PPP2R3A: variants seen among roughly 807,000 people sequenced by gnomAD.
PPP2R3A encodes the protein serine/threonine-protein phosphatase 2A regulatory subunit B'' subunit alpha.
PPP2R3A carries 80 observed loss-of-function variants against 106.9 expected under a neutral mutation model. That is an observed-to-expected ratio of 0.75 (90% CI 0.62 to 0.90). PPP2R3A has a LOEUF of 0.90. Ranked by LOEUF, PPP2R3A falls within the 40% of genes least tolerant of loss-of-function variation. The pLI, the probability that PPP2R3A is intolerant of heterozygous loss-of-function variation, is 0.00. For synonymous variants in PPP2R3A, 483 were observed against 468.3 expected, an observed-to-expected ratio of 1.03 and a Z score of -0.41; for missense variants, 1,386 against 1,350.4, an observed-to-expected ratio of 1.03 and a Z score of -0.41.
intron 10 of PPP2R3A, among the ~76,000 whole-genome samples, chr3:136,101,270 G>A (rs975545903): frequency 6.6e-6 from 1 of 152,144 alleles, no homozygotes; most frequent in Non-Finnish European, 1.5e-5. Flanking sequence ...ATAGATAAAA[G>A]AAAAATATAA....
rs148696646 is a variant in PPP2R3A, at chr3:136,025,070, A to G, written c.1996-1762A>G. On this transcript the variant is annotated intron_variant, in intron 2 of 13. Transcript: ENST00000264977. ...GAAAGATTATGCCAAATTATGCTTC[A>G]TCTAATTTTTTGAGAATCTCATCCT... Among the ~76,000 whole-genome samples, 20 of 152,266 alleles carry G rather than the reference A, an allele frequency of 1.3e-4. No individual in the cohort carries two copies. In the East Asian group the frequency reaches 2.5e-3, roughly 19 times the overall value.
intron 13 of PPP2R3A, among the ~76,000 whole-genome samples, chr3:136,134,686 T>C (rs79609789): frequency 0.016 from 2,462 of 152,294 alleles, 65 homozygotes; most frequent in African/African-American, 0.054. Flanking sequence ...TTTTATACTG[T>C]TCTATAATTT....
chr3:135,989,439 A>G (rs1353693080), intron 1 of PPP2R3A, among the ~76,000 whole-genome samples: 2 of 152,122 alleles, frequency 1.3e-5, no homozygotes, highest in East Asian at 1.9e-4. Flanking sequence ...TTGACATTCT[A>G]TCTATCTGTT....
chr3:136,085,776 T>C (rs1936911303), intron 8 of PPP2R3A, among the ~76,000 whole-genome samples: 1 of 151,998 alleles, frequency 6.6e-6, no homozygotes, highest in Non-Finnish European at 1.5e-5. Context: ...CTGTTACTAA[T>C]GGTATGCATC....
At chr3:136,128,451 T>G (rs906622945) in intron 13 of PPP2R3A, among the ~76,000 whole-genome samples, 9 of 152,000 alleles carry the variant, frequency 5.9e-5, no homozygotes, top group African/African-American at 2.4e-5. Flanking sequence ...AAGGGATCAA[T>G]TCAACAAGAA....
In PPP2R3A at chr3:136,003,367, A is replaced by G. The variant is rs200793795; in HGVS notation, c.1869A>G (p.Gln623=). The part of the protein sequence containing the change: ...GSLSQEKEMM[Q]ILQETLTTSS... ...TATCACAAGAAAAGGAAATGATGCAAATTCTACAGGAAACCTTGACAACTT... is the reference window on the plus strand; with the variant it reads ...TATCACAAGAAAAGGAAATGATGCAGATTCTACAGGAAACCTTGACAACTT... The change falls in exon 2 of 14, where the codon CAA becomes CAG. Residue 623 remains glutamine, a synonymous_variant. Transcript: ENST00000264977. The G allele has an allele frequency of 1.1e-4, 173 of 1,613,998 alleles. No homozygotes were observed. The East Asian group carries it at 2.7e-3, about 25-fold the overall frequency.
intron 1 of PPP2R3A, among the ~76,000 whole-genome samples, chr3:135,969,249 A>C (rs1447835204): frequency 1.3e-5 from 2 of 152,132 alleles, no homozygotes; most frequent in African/African-American, 4.8e-5. Context: ...GTTACTGTGG[A>C]TAACATAGGA....
chr3:136,080,527 T>C (rs972225788), intron 7 of PPP2R3A, among the ~76,000 whole-genome samples: 1 of 152,190 alleles, frequency 6.6e-6, no homozygotes, highest in Non-Finnish European at 1.5e-5. Flanking sequence ...TGGGTAAAAA[T>C]AATAGCGCTT....
chr3:136,085,174 G>A (rs1238786470), intron 8 of PPP2R3A, among the ~76,000 whole-genome samples: 5 of 152,136 alleles, frequency 3.3e-5, no homozygotes, highest in Admixed American at 6.5e-5. Flanking sequence ...ATCCCCAAGT[G>A]AAATGGGAGG....
Position 136,023,137 on chromosome 3 carries a change from G to C in PPP2R3A, c.1996-3695G>C, listed in dbSNP as rs866169152. On this transcript the variant is annotated intron_variant, in intron 2 of 13. Transcript: ENST00000264977. ...AGGGGAGAGCTAGCTTTCCTGGCAA[G>C]GGGCTGTGATTTTGTTCTCCCTTCA... 12 of 1,613,464 alleles carry C rather than the reference G, an allele frequency of 7.4e-6. No individual in the cohort carries two copies. The Middle Eastern group carries it at 1.2e-3, about 155-fold the overall frequency.
chr3:136,052,829 C>G (rs1271345639), intron 5 of PPP2R3A, among the ~76,000 whole-genome samples: 1 of 152,100 alleles, frequency 6.6e-6, no homozygotes, highest in Non-Finnish European at 1.5e-5. Flanking sequence ...GAGACATTAT[C>G]CTCCCATTCT....
chr3:136,041,250 G>GTTTT lies in PPP2R3A; in HGVS notation c.2366+296_2366+299dup, dbSNP rs1246326384. 4.0e-3 allele frequency among the ~76,000 whole-genome samples: 225 copies of GTTTT among 56,542 alleles called. 6 individuals are homozygous for GTTTT. The highest frequency in any genetic ancestry group is 6.9e-3 in the South Asian group (11 of 1,594). 37.1% of individuals were successfully genotyped at this position (56,542 alleles called of 152,430 possible). A position where few individuals can be genotyped will look rare whatever the true frequency, so the allele number is the denominator to read the frequency against. On this transcript the variant is annotated intron_variant, in intron 4 of 13. Coordinates refer to ENST00000264977, the MANE Select transcript of PPP2R3A (RefSeq NM_002718.5). ...CTTGGTTTTTCTTGTTTTTTTTTTT[G>GTTTT]TTTTTTTTTTTGTTTTTTTTTTTTT...
chr3:135,998,651 C>A (rs1484186995), intron 1 of PPP2R3A, among the ~76,000 whole-genome samples: 4 of 152,064 alleles, frequency 2.6e-5, no homozygotes, highest in African/African-American at 9.7e-5. Context: ...AAGCAAATAA[C>A]TGGAGAGCTA....
intron 7 of PPP2R3A, among the ~76,000 whole-genome samples, chr3:136,079,758 T>C (rs1469460964): frequency 6.6e-6 from 1 of 152,008 alleles, no homozygotes; most frequent in Non-Finnish European, 1.5e-5. Context: ...TTTTTTTTTT[T>C]TTACCAGTGA....
At position 135,977,874 on chromosome 3, in the gene PPP2R3A, T is replaced by C. The variant is rs559992094; in HGVS notation, c.-441+12025T>C. ...GCCACCACTGCCCGGCTAATATTTG[T>C]GTTTTTGTAGAGACAGGGTTTCACC... On this transcript the variant is annotated intron_variant, in intron 1 of 13. Transcript: ENST00000264977. Among the ~76,000 whole-genome samples, 255 of 152,006 alleles carry C rather than the reference T, an allele frequency of 1.7e-3. 1 individual carries two copies. The highest frequency in any genetic ancestry group is 3.1e-3 in the Non-Finnish European group (208 of 67,946).
intron 5 of PPP2R3A, among the ~76,000 whole-genome samples, chr3:136,057,042 A>G (rs1935888103): frequency 6.6e-6 from 1 of 151,402 alleles, no homozygotes; most frequent in Non-Finnish European, 1.5e-5. Context: ...AGGCAATAAC[A>G]TGCTGGTGAG....
At chr3:136,044,899 G>T (rs899072167) in intron 4 of PPP2R3A, among the ~76,000 whole-genome samples, 1 of 152,194 alleles carries the variant, frequency 6.6e-6, no homozygotes, top group Non-Finnish European at 1.5e-5. Context: ...GGACGTTTGA[G>T]TTGGCAGGGA....
In PPP2R3A at chr3:136,082,245, T is replaced by C. The variant is rs762783010; in HGVS notation, c.2632-20T>C. ...CTGCTTTTTCATAATGTTTAAATTC[T>C]TCTTTTCATATAATTTCAGACCCTA... On this transcript the variant is annotated intron_variant, in intron 7 of 13. Coordinates refer to ENST00000264977, the MANE Select transcript of PPP2R3A (RefSeq NM_002718.5). 8 of 1,552,588 alleles carry C rather than the reference T, an allele frequency of 5.2e-6. No homozygotes were observed. In the Admixed American group the frequency reaches 1.4e-4, roughly 27 times the overall value.
chr3:136,131,087 G>A (rs1263294463), intron 13 of PPP2R3A, among the ~76,000 whole-genome samples: 1 of 152,146 alleles, frequency 6.6e-6, no homozygotes, highest in Non-Finnish European at 1.5e-5. Flanking sequence ...TACCATTCAG[G>A]ACATAGGCAT....
Sources: gnomAD v4.1 joint callset for allele counts (sites outside exome capture counted in the v4.1 genomes callset) on GRCh38, gnomAD v4.1.1 for gene constraint, MANE v1.5 for transcripts, NCBI Gene and HGNC (gene_info 2026-07-23, HGNC 2026-07-21) for gene names.